The following CNTNAP2 variants were observed in gnomAD, a reference collection of about 807,000 sequenced individuals.
CNTNAP2 encodes the protein contactin associated protein 2.
In CNTNAP2, 98 loss-of-function variants were observed where a neutral mutation model predicts 155.2. That is an observed-to-expected ratio of 0.63 (90% CI 0.54 to 0.75). The LOEUF (loss-of-function observed/expected upper bound fraction) is 0.75. CNTNAP2 is among the 30% of genes least tolerant of loss of function. The pLI, the probability that CNTNAP2 is intolerant of heterozygous loss-of-function variation, is 0.00. For missense variants in CNTNAP2, 1,727 were observed against 1,688.1 expected, an observed-to-expected ratio of 1.02 and a Z score of -0.40; for synonymous variants, 651 against 631.2, an observed-to-expected ratio of 1.03 and a Z score of -0.47.
At chr7:147,359,327 C>T (rs1796111398) in intron 9 of CNTNAP2, among the ~76,000 whole-genome samples, 1 of 152,114 alleles carries the variant, frequency 6.6e-6, no homozygotes, top group Non-Finnish European at 1.5e-5. Flanking sequence ...TACCTGCTGT[C>T]CCGAGCCCCT....
At chr7:146,613,825 TTCTTTCA>T (rs1799180218) in intron 1 of CNTNAP2, among the ~76,000 whole-genome samples, 1 of 42,322 alleles carries the variant, frequency 2.4e-5, no homozygotes, top group Non-Finnish European at 7.8e-5. Flanking sequence ...TCTTTAAGTG[TTCTTTCA>T]GCTTTTCTTT....
Position 146,958,371 on chromosome 7 carries a change from G to A in CNTNAP2, c.403-85536G>A, listed in dbSNP as rs372363722. Among the ~76,000 whole-genome samples the A allele has an allele frequency of 2.7e-5, 4 of 148,364 alleles. No homozygotes were observed. The East Asian group carries it at 7.9e-4, about 29-fold the overall frequency. ...CATCTAAAATTTTTTTTAAAACTAC[G>A]CTGATGCTTTTTTTTCTTCACAACA... On this transcript the variant is annotated intron_variant, in intron 3 of 23. Transcript: ENST00000361727.
intron 1 of CNTNAP2, among the ~76,000 whole-genome samples, chr7:146,585,768 A>G (rs7791091): frequency 6.6e-6 from 1 of 150,380 alleles, no homozygotes; most frequent in East Asian, 1.9e-4. Context: ...AAGAAAGGAA[A>G]GAAAGAAAGG....
chr7:147,016,451 A>T (rs1420221420), intron 3 of CNTNAP2, among the ~76,000 whole-genome samples: 1 of 152,066 alleles, frequency 6.6e-6, no homozygotes, highest in Non-Finnish European at 1.5e-5. Context: ...AATAGCAAGA[A>T]TTAAAAACAT....
chr7:147,487,236 T>C (rs1350997163), intron 11 of CNTNAP2, among the ~76,000 whole-genome samples: 8 of 152,148 alleles, frequency 5.3e-5, no homozygotes, highest in Non-Finnish European at 1.2e-4. Context: ...GCAAAGGAAA[T>C]CTTGACAAAA....
intron 10 of CNTNAP2, among the ~76,000 whole-genome samples, chr7:147,413,575 A>G (rs990632293): frequency 1.3e-5 from 2 of 152,220 alleles, no homozygotes; most frequent in Non-Finnish European, 2.9e-5. Context: ...AAAAAAATGT[A>G]TGAAGAATAA....
At chr7:148,333,163 C>T (rs1798059732) in intron 21 of CNTNAP2, among the ~76,000 whole-genome samples, 1 of 152,216 alleles carries the variant, frequency 6.6e-6, no homozygotes, top group Admixed American at 6.5e-5. Flanking sequence ...AACGGTGGCT[C>T]ACCCCCGTAA....
intron 1 of CNTNAP2, among the ~76,000 whole-genome samples, chr7:146,249,359 T>C (rs1196539317): frequency 2.0e-5 from 3 of 152,236 alleles, no homozygotes; most frequent in Non-Finnish European, 4.4e-5. Flanking sequence ...AAAAAAATTC[T>C]TCAAATTCAA....
At chr7:146,785,995 T>C (rs1244605441) in intron 2 of CNTNAP2, among the ~76,000 whole-genome samples, 1 of 151,940 alleles carries the variant, frequency 6.6e-6, no homozygotes, top group African/African-American at 2.4e-5. Flanking sequence ...CAAGAAGAAA[T>C]GAAGGCCAGG....
At position 147,336,858 on chromosome 7, in the gene CNTNAP2, C is replaced by G. The variant is rs1007519316; in HGVS notation, c.1498+36568C>G. ...CTCTAGAACTCTATGGAAAATTTCA[C>G]TGGCATTTTATGATACCAACCATGG... On this transcript the variant is annotated intron_variant, in intron 9 of 23. Transcript: ENST00000361727. Among the ~76,000 whole-genome samples the G allele has an allele frequency of 2.6e-5, 4 of 152,032 alleles. No homozygotes were observed. The East Asian group carries it at 7.7e-4, about 29-fold the overall frequency.
intron 4 of CNTNAP2, among the ~76,000 whole-genome samples, chr7:147,101,560 A>G (rs1318109784): frequency 1.3e-5 from 2 of 152,178 alleles, no homozygotes; most frequent in Non-Finnish European, 2.9e-5. Context: ...CTTGTCTGGC[A>G]TTCAGAAAGA....
chr7:147,362,252 C>A (rs1423500911), intron 9 of CNTNAP2, among the ~76,000 whole-genome samples: 3 of 152,178 alleles, frequency 2.0e-5, no homozygotes, highest in Admixed American at 2.0e-4. Context: ...TCCACCTCAG[C>A]CTTTCAAGTA....
chr7:147,225,996 A>G (rs1456863935), intron 8 of CNTNAP2, among the ~76,000 whole-genome samples: 2 of 152,110 alleles, frequency 1.3e-5, no homozygotes, highest in Non-Finnish European at 2.9e-5. Context: ...AGAAAGAAAG[A>G]AAGAAAGAAT....
chr7:147,829,071 A>G (rs939202375), intron 13 of CNTNAP2, among the ~76,000 whole-genome samples: 8 of 152,158 alleles, frequency 5.3e-5, no homozygotes, highest in Non-Finnish European at 1.0e-4. Flanking sequence ...AAAATAATTT[A>G]TTGAGCCTTT....
intron 14 of CNTNAP2, among the ~76,000 whole-genome samples, chr7:147,958,840 C>A (rs1444764643): frequency 1.3e-5 from 2 of 152,072 alleles, no homozygotes; most frequent in African/African-American, 4.8e-5. Flanking sequence ...CCTCCCATTC[C>A]CTAAAGCCTT....
intron 11 of CNTNAP2, among the ~76,000 whole-genome samples, chr7:147,521,255 T>G (rs905423128): frequency 4.6e-5 from 7 of 152,218 alleles, no homozygotes; most frequent in Admixed American, 4.6e-4. Context: ...GCCATTCTCC[T>G]TCCTCTATTG....
chr7:147,579,652 A>G (rs1023713337), intron 12 of CNTNAP2, among the ~76,000 whole-genome samples: 1 of 152,110 alleles, frequency 6.6e-6, no homozygotes, highest in African/African-American at 2.4e-5. Flanking sequence ...CACCTATTTA[A>G]TTATTTAATA....
intron 13 of CNTNAP2, among the ~76,000 whole-genome samples, chr7:147,824,624 G>A (rs1798417169): frequency 6.6e-6 from 1 of 152,006 alleles, no homozygotes; most frequent in South Asian, 2.1e-4. Context: ...TCATTTTCCT[G>A]GACTTCAGTT....
intron 1 of CNTNAP2, among the ~76,000 whole-genome samples, chr7:146,662,713 C>A (rs1406237889): frequency 6.6e-6 from 1 of 151,974 alleles, no homozygotes; most frequent in Non-Finnish European, 1.5e-5. Context: ...CCTCCATTTT[C>A]TTTGATAATT....
Sources: gnomAD v4.1 joint callset for allele counts (sites outside exome capture counted in the v4.1 genomes callset) on GRCh38, gnomAD v4.1.1 for gene constraint, MANE v1.5 for transcripts, NCBI Gene and HGNC (gene_info 2026-07-23, HGNC 2026-07-21) for gene names.